TENM4: variants seen among roughly 807,000 people sequenced by gnomAD.
TENM4 encodes teneurin-4.
A neutral mutation model predicts 243.3 loss-of-function variants in TENM4; 82 were observed. The observed-to-expected ratio is 0.34, with a 90% CI of 0.28 to 0.40. The LOEUF (loss-of-function observed/expected upper bound fraction) is 0.40, where lower values mean the gene tolerates loss of function less well. TENM4 is among the 10% of genes least tolerant of loss of function. TENM4 has a pLI of 1.00. For synonymous variants in TENM4, 1,412 were observed against 1,456.3 expected (o/e 0.97, Z 0.69); for missense variants, 3,138 against 3,673.3 (o/e 0.85, Z 3.77).
intron 19 of TENM4, among the ~76,000 whole-genome samples, chr11:78,752,918 G>A (rs963252179): frequency 7.2e-5 from 11 of 152,082 alleles, no homozygotes; most frequent in Non-Finnish European, 1.6e-4. Flanking sequence ...CATCATCACC[G>A]CCATGTAATT....
At position 79,215,850 on chromosome 11, in the gene TENM4, T is replaced by C; in HGVS notation, c.-205A>G. 1 of 985,910 alleles carries C rather than the reference T, an allele frequency of 1.0e-6. No homozygotes were observed. The highest frequency in any genetic ancestry group is 1.2e-6 in the Non-Finnish European group (1 of 829,966). The allele number at this position is 985,910 out of a possible 1,614,324, so 61.1% of individuals were successfully genotyped here. ...CGTTCTGAAGAGTCAGCAATGTCCG[T>C]GGGCCCTGCAGCCCTCTCTCCAAGG... On this transcript the variant is annotated 5_prime_UTR_variant, in exon 3 of 34. Coordinates refer to ENST00000278550, the MANE Select transcript of TENM4 (RefSeq NM_001098816.3).
At chr11:78,830,335 A>G (rs867044682) in intron 12 of TENM4, among the ~76,000 whole-genome samples, 1 of 152,170 alleles carries the variant, frequency 6.6e-6, no homozygotes, top group Non-Finnish European at 1.5e-5. Context: ...CCATCAGTAC[A>G]GCCAGGGGCT....
intron 14 of TENM4, 138 bp from the exon 15 acceptor site, chr11:78,805,630 G>T: frequency 1.9e-6 from 2 of 1,072,536 alleles, no homozygotes; most frequent in Non-Finnish European, 2.7e-6. Flanking sequence ...TTAGTAAGGT[G>T]AGAGCAGTAC....
intron 4 of TENM4, among the ~76,000 whole-genome samples, chr11:79,143,525 G>A (rs1297400843): frequency 5.3e-5 from 8 of 151,998 alleles, no homozygotes; most frequent in African/African-American, 1.7e-4. Flanking sequence ...GGAGCCTGTT[G>A]TGGGGTGGAG....
intron 2 of TENM4, among the ~76,000 whole-genome samples, chr11:79,231,520 G>C (rs1864373022): frequency 6.6e-6 from 1 of 152,076 alleles, no homozygotes; most frequent in South Asian, 2.1e-4. Flanking sequence ...AAAATAATCA[G>C]ACATGATCCT....
chr11:78,769,245 C>T (rs141690472), intron 18 of TENM4, among the ~76,000 whole-genome samples: 539 of 152,294 alleles, frequency 3.5e-3, no homozygotes, highest in Non-Finnish European at 5.1e-3. Flanking sequence ...CTCTTTCCTA[C>T]GAAGAGCAAA....
chr11:79,403,531 C>A (rs1324953585), intron 1 of TENM4, among the ~76,000 whole-genome samples: 2 of 152,176 alleles, frequency 1.3e-5, no homozygotes, highest in Non-Finnish European at 2.9e-5. Flanking sequence ...CTTTCCATCT[C>A]CCATCACTGT....
At chr11:78,918,658 C>T (rs994016975) in intron 6 of TENM4, among the ~76,000 whole-genome samples, 1 of 152,162 alleles carries the variant, frequency 6.6e-6, no homozygotes, top group African/African-American at 2.4e-5. Context: ...GCGCTGACAC[C>T]ACTGAAGGGG....
chr11:79,107,336 G>A (rs958764902), intron 4 of TENM4, among the ~76,000 whole-genome samples: 23 of 152,152 alleles, frequency 1.5e-4, no homozygotes, highest in Admixed American at 1.1e-3. Flanking sequence ...AATACAAACA[G>A]ACGATCCCCT....
chr11:79,076,659 G>A (rs949794671), intron 4 of TENM4, among the ~76,000 whole-genome samples: 5 of 152,102 alleles, frequency 3.3e-5, no homozygotes, highest in African/African-American at 1.2e-4. Context: ...TTTATGTGAA[G>A]CTGGGCTTGG....
chr11:79,230,803 T>G (rs948933467), intron 2 of TENM4, among the ~76,000 whole-genome samples: 5 of 152,202 alleles, frequency 3.3e-5, no homozygotes, highest in African/African-American at 1.2e-4. Context: ...GGTAGAGTTT[T>G]AAAGGCAAGT....
At chr11:78,807,941 G>C (rs2136091640) in intron 14 of TENM4, among the ~76,000 whole-genome samples, 1 of 152,336 alleles carries the variant, frequency 6.6e-6, no homozygotes, top group South Asian at 2.1e-4. Context: ...AGGTTGCTAT[G>C]AGGAGCAAAT....
chr11:78,657,164 A>G lies in TENM4; in HGVS notation c.*894T>C, dbSNP rs1162748099. 5.0e-6 allele frequency: 2 copies of G among 398,608 alleles called. No homozygotes were observed. The highest frequency in any genetic ancestry group is 8.8e-6 in the Non-Finnish European group (2 of 226,168). 24.7% of individuals were successfully genotyped at this position (398,608 alleles called of 1,614,324 possible). On this transcript the variant is annotated 3_prime_UTR_variant, in exon 34 of 34. Transcript: ENST00000278550. Reference sequence around the variant, plus strand: ...CTTGCTGTGCAGTGCTCGTTCTCACATCTGGCTTTGGGAGAAAGGAGGAGA... The same window carrying G: ...CTTGCTGTGCAGTGCTCGTTCTCACGTCTGGCTTTGGGAGAAAGGAGGAGA...
At chr11:79,283,559 A>G (rs76330553) in intron 2 of TENM4, among the ~76,000 whole-genome samples, 2 of 152,282 alleles carry the variant, frequency 1.3e-5, no homozygotes, top group African/African-American at 4.8e-5. Context: ...TAGAAGAAAT[A>G]CTTAACTTGA....
At chr11:78,791,974 A>T (rs1272022865) in intron 15 of TENM4, among the ~76,000 whole-genome samples, 1 of 152,204 alleles carries the variant, frequency 6.6e-6, no homozygotes, top group Non-Finnish European at 1.5e-5. Context: ...ACTTGAGTTC[A>T]GATTCTGACT....
chr11:79,216,454 C>T (rs1247322195), intron 2 of TENM4, among the ~76,000 whole-genome samples: 2 of 152,232 alleles, frequency 1.3e-5, no homozygotes, highest in Non-Finnish European at 2.9e-5. Context: ...CTGGCCTTCT[C>T]TAAATCTTAC....
chr11:78,790,581 C>T (rs1857034597), intron 15 of TENM4, among the ~76,000 whole-genome samples: 1 of 152,222 alleles, frequency 6.6e-6, no homozygotes, highest in South Asian at 2.1e-4. Flanking sequence ...GGTGTGGGTA[C>T]TGAGGCCCAG....
chr11:79,421,705 TAA>T (rs761710897), intron 1 of TENM4, among the ~76,000 whole-genome samples: 12 of 137,224 alleles, frequency 8.7e-5, no homozygotes, highest in South Asian at 2.3e-4. Context: ...GCTCTGAAAT[TAA>T]AAAAAAAAAA....
intron 3 of TENM4, among the ~76,000 whole-genome samples, chr11:79,168,489 G>A (rs1378128869): frequency 3.3e-5 from 5 of 152,164 alleles, no homozygotes; most frequent in Admixed American, 2.0e-4. Flanking sequence ...GAGTGGAACT[G>A]TATTTACTGG....
Sources: gnomAD v4.1 joint callset for allele counts (sites outside exome capture counted in the v4.1 genomes callset) on GRCh38, gnomAD v4.1.1 for gene constraint, MANE v1.5 for transcripts, NCBI Gene and HGNC (gene_info 2026-07-23, HGNC 2026-07-21) for gene names.